The following MPHOSPH10 variants were observed in gnomAD, a reference collection of about 807,000 sequenced individuals.
The protein encoded by MPHOSPH10 is U3 small nucleolar ribonucleoprotein MPP10.
In MPHOSPH10, 33 loss-of-function variants were observed where a neutral mutation model predicts 77.3. That is an observed-to-expected ratio of 0.43 (90% CI 0.32 to 0.57). The LOEUF is 0.57. MPHOSPH10 is among the 20% of genes least tolerant of loss of function. The pLI, the probability that MPHOSPH10 is intolerant of heterozygous loss-of-function variation, is 0.07. For missense variants in MPHOSPH10, 708 were observed against 780.1 expected (o/e 0.91, Z 1.10); for synonymous variants, 245 against 268.0 (o/e 0.91, Z 0.84).
rs1289202248 is a variant in MPHOSPH10 at position 71,133,935 on chromosome 2, CT to C, written c.769-8del. The C allele has an allele frequency of 7.4e-6, 11 of 1,484,444 alleles. No individual in the cohort carries two copies. In the Admixed American group the frequency reaches 1.1e-4, roughly 15 times the overall value. 92.0% of individuals were successfully genotyped at this position (1,484,444 alleles called of 1,614,324 possible). A position where few individuals can be genotyped will look rare whatever the true frequency, so the allele number is the denominator to read the frequency against. The stretch of plus-strand genomic sequence containing the variant: ...ATCCCTAATTAATAGTTTTTAATAT[CT>C]TTTTATTTTAGTCAGGTAAAAGTTC... On this transcript the variant is annotated splice_polypyrimidine_tract_variant and intron_variant, in intron 2 of 10. Transcript: ENST00000244230.
Position 71,141,251 on chromosome 2 carries a change from G to T in MPHOSPH10, c.1328G>T (p.Arg443Leu), listed in dbSNP as rs201469945. ...IRDQAWDDVVRKEKPKEDAYE... is the reference protein window; with the variant it reads ...IRDQAWDDVVLKEKPKEDAYE... ...TTTCAGGCTTGGGATGATGTAGTACGTAAAGAAAAACCTAAAGAGGATGCA... is the reference window on the plus strand; with the variant it reads ...TTTCAGGCTTGGGATGATGTAGTACTTAAAGAAAAACCTAAAGAGGATGCA... Residue 443 changes from arginine (R) to leucine (L), a missense_variant, in exon 7 of 11, where the codon CGT (arginine) becomes CTT (leucine). Arg to Leu is a moderately radical substitution (Grantham distance 102). Coordinates refer to ENST00000244230, the MANE Select transcript of MPHOSPH10 (RefSeq NM_005791.3). The T allele has an allele frequency of 2.6e-6, 4 of 1,524,092 alleles. No homozygotes were observed. The highest frequency in any genetic ancestry group is 1.4e-5 in the African/African-American group (1 of 70,962). The allele number at this position is 1,524,092 out of a possible 1,614,324, so 94.4% of individuals were successfully genotyped here.
intron 8 of MPHOSPH10, 139 bp from the exon 9 acceptor site, chr2:71,147,860 G>C (rs1335065899): frequency 1.5e-6 from 1 of 648,316 alleles, no homozygotes; most frequent in Non-Finnish European, 2.6e-6. Flanking sequence ...TAGGTTTGCT[G>C]ACTTTCAAGC....
intron 1 of MPHOSPH10, 124 bp from the exon 2 acceptor site, chr2:71,132,774 G>A: frequency 7.8e-7 from 1 of 1,287,980 alleles, no homozygotes. Flanking sequence ...TTGGGGGCCA[G>A]AATCTATACT....
rs766808165 is a variant in MPHOSPH10, at chr2:71,138,673, C to T, written c.1240+42C>T. 3.7e-6 allele frequency: 6 copies of T among 1,612,418 alleles called. No individual in the cohort carries two copies. In the African/African-American group the frequency reaches 5.3e-5, roughly 14 times the overall value. On this transcript the variant is annotated intron_variant, in intron 5 of 10. Coordinates refer to ENST00000244230, the MANE Select transcript of MPHOSPH10 (RefSeq NM_005791.3). ...TGTAGTTTTCATGTCTGTGCTTTTT[C>T]CATGGTTCCATTTCATACAAAGATT... is the stretch of plus-strand genomic sequence containing the variant.
At chr2:71,131,059 C>G (rs1435166697) in intron 1 of MPHOSPH10, among the ~76,000 whole-genome samples, 1 of 152,154 alleles carries the variant, frequency 6.6e-6, no homozygotes, top group African/African-American at 2.4e-5. Flanking sequence ...TTTCTCCTTC[C>G]TCCTATGTGC....
chr2:71,133,025 G>T lies in MPHOSPH10; in HGVS notation c.217G>T (p.Asp73Tyr). 6.2e-7 allele frequency: 1 copy of T among 1,614,138 alleles called. No homozygotes were observed. The highest frequency in any genetic ancestry group is 8.5e-7 in the Non-Finnish European group (1 of 1,180,004). ...AAAACTTGTGATAGAAAATTTTGATGATGAGCAGATTTGGCAACAACTGGA... is the reference window on the plus strand; with the variant it reads ...AAAACTTGTGATAGAAAATTTTGATTATGAGCAGATTTGGCAACAACTGGA... ...LQKLVIENFDDEQIWQQLELQ... is the reference protein window; with the variant it reads ...LQKLVIENFDYEQIWQQLELQ... Residue 73 changes from aspartate (D) to tyrosine (Y), a missense_variant, in exon 2 of 11, where the codon GAT becomes TAT. Asp to Tyr is a radical substitution (Grantham distance 160). Around this residue, in one of 3 missense-constraint regions of MPHOSPH10, gnomAD observed 433 missense variants for 432.6 expected, o/e 1.00. Coordinates refer to ENST00000244230, the MANE Select transcript of MPHOSPH10 (RefSeq NM_005791.3).
At chr2:71,147,199 A>T (rs1044029915) in intron 8 of MPHOSPH10, among the ~76,000 whole-genome samples, 4 of 152,132 alleles carry the variant, frequency 2.6e-5, no homozygotes, top group African/African-American at 7.2e-5. Flanking sequence ...CTTTTTCCAT[A>T]TACTTCTTAG....
At position 71,141,398 on chromosome 2, in the gene MPHOSPH10, A is replaced by C. The variant is rs540746984; in HGVS notation, c.1446+29A>C. On this transcript the variant is annotated intron_variant, in intron 7 of 10. Coordinates refer to ENST00000244230, the MANE Select transcript of MPHOSPH10 (RefSeq NM_005791.3). ...AGGAAGCCTGTAAGGCCAAGCCATT[A>C]TTATTAAAGAAATAGAAGTAGAGAA... 2.8e-6 allele frequency: 4 copies of C among 1,452,638 alleles called. No individual in the cohort carries two copies. In the South Asian group the frequency reaches 4.7e-5, roughly 17 times the overall value. 90.0% of individuals were successfully genotyped at this position (1,452,638 alleles called of 1,614,324 possible).
intron 2 of MPHOSPH10, 81 bp downstream of exon 2, chr2:71,133,657 G>A (rs1438501003): frequency 7.3e-7 from 1 of 1,376,578 alleles, no homozygotes; most frequent in East Asian, 2.3e-5. Context: ...TTTAATTGTA[G>A]TTAGAAGATT....
chr2:71,134,054 A>G lies in MPHOSPH10; in HGVS notation c.875A>G (p.Glu292Gly). The G allele has an allele frequency of 6.2e-7, 1 of 1,610,174 alleles. No homozygotes were observed. Among genetic ancestry groups the G allele is most frequent in the Non-Finnish European group, 8.5e-7 (1 of 1,178,024 alleles). Residue 292 changes from glutamate (E) to glycine (G), a missense_variant, in exon 3 of 11, where the codon GAA (glutamate) becomes GGA (glycine). Coordinates refer to ENST00000244230, the MANE Select transcript of MPHOSPH10 (RefSeq NM_005791.3). Reference sequence around the variant, plus strand: ...GATGATGAGCTGGATTCAAACAAAGAAGATGATGAAATTGCTGAAGAAGAA... The same window carrying G: ...GATGATGAGCTGGATTCAAACAAAGGAGATGATGAAATTGCTGAAGAAGAA... ...VHDDELDSNK[E>G]DDEIAEEEAE...
chr2:71,136,322 T>C (rs375959013), intron 4 of MPHOSPH10, among the ~76,000 whole-genome samples: 1 of 152,076 alleles, frequency 6.6e-6, no homozygotes, highest in East Asian at 1.9e-4. Flanking sequence ...GAGACCAACC[T>C]GGGCAACAGG....
chr2:71,145,787 G>C (rs1055510143), intron 8 of MPHOSPH10, among the ~76,000 whole-genome samples: 2 of 151,706 alleles, frequency 1.3e-5, no homozygotes, highest in African/African-American at 4.8e-5. Context: ...CTGATCTTCT[G>C]ATTCCTTGAG....
In MPHOSPH10 at chr2:71,133,536, A is replaced by T; in HGVS notation, c.728A>T (p.Asp243Val). ...DIDFFEDIDS[D>V]EDEGGLFGSK... is the part of the protein sequence containing the mutation. The stretch of plus-strand genomic sequence containing the variant: ...GATTTTTTTGAAGATATTGATTCTG[A>T]TGAAGATGAAGGGGGACTGTTTGGA... The change falls in exon 2 of 11, where the codon GAT (aspartate) becomes GTT (valine). Residue 243 changes from aspartate to valine, a missense_variant. Physicochemically the swap from Asp to Val is radical, Grantham distance 152. Coordinates refer to ENST00000244230, the MANE Select transcript of MPHOSPH10 (RefSeq NM_005791.3). The T allele has an allele frequency of 1.2e-6, 2 of 1,609,462 alleles. No individual in the cohort carries two copies. Among genetic ancestry groups the T allele is most frequent in the Non-Finnish European group, 1.7e-6 (2 of 1,178,330 alleles).
rs150611026 is a variant in MPHOSPH10, at chr2:71,149,438, A to C, written c.1881A>C (p.Lys627Asn). ...EKLKQLTKTG[K>N]ASFIKDEGKD... ...TAAAACAGCTGACCAAAACTGGCAA[A>C]GCTTCCTTCATAAAGGTAAGGACAA... The change falls in exon 10 of 11, where the codon AAA becomes AAC. Residue 627 changes from lysine to asparagine, a missense_variant. By Grantham distance (94) the Lys-to-Asn change is moderately conservative. Around this residue, in one of 3 missense-constraint regions of MPHOSPH10, gnomAD observed 263 missense variants for 320.0 expected, o/e 0.82. Transcript: ENST00000244230. The C allele has an allele frequency of 2.5e-5, 41 of 1,613,656 alleles. No individual in the cohort carries two copies. Among genetic ancestry groups the C allele is most frequent in the African/African-American group, 4.0e-5 (3 of 75,008 alleles).
chr2:71,136,913 AACACACACAC>A (rs56768441), intron 4 of MPHOSPH10, among the ~76,000 whole-genome samples: 3,637 of 119,010 alleles, frequency 0.031, 63 homozygotes, highest in Non-Finnish European at 0.035. Flanking sequence ...GTAGCATTAA[AACACACACAC>A]ACACACACAC....
chr2:71,135,702 C>CTTTTTTTTTTTT (rs781167523), intron 4 of MPHOSPH10, among the ~76,000 whole-genome samples: 14 of 130,660 alleles, frequency 1.1e-4, no homozygotes, highest in South Asian at 2.5e-4. Context: ...TTTTCTTTTT[C>CTTTTTTTTTTTT]TTTTTTTTTT....
chr2:71,132,718 G>A (rs536317059), intron 1 of MPHOSPH10, among the ~76,000 whole-genome samples, 180 bp from the exon 2 acceptor site: 1 of 152,302 alleles, frequency 6.6e-6, no homozygotes, highest in East Asian at 1.9e-4. Context: ...CAGATACTTG[G>A]TTGACAGGTT....
chr2:71,132,162 C>T (rs920414895), intron 1 of MPHOSPH10, among the ~76,000 whole-genome samples: 1 of 152,200 alleles, frequency 6.6e-6, no homozygotes, highest in Non-Finnish European at 1.5e-5. Flanking sequence ...GTCTAAATCA[C>T]CATTATCCTT....
At chr2:71,133,919 T>G (rs1558752567) in intron 2 of MPHOSPH10, 29 bp from the exon 3 acceptor site, 1 of 1,403,852 alleles carries the variant, frequency 7.1e-7, no homozygotes, top group East Asian at 2.5e-5. Context: ...TATCCCTAAT[T>G]AATAGTTTTT....
Sources: allele counts gnomAD v4.1 joint callset (sites outside exome capture counted in the v4.1 genomes callset), GRCh38; gene constraint gnomAD v4.1.1; regional missense constraint gnomAD v4.1.1; transcripts MANE v1.5; gene names NCBI Gene and HGNC (gene_info 2026-07-23, HGNC 2026-07-21).